RAPH1: variants seen among roughly 807,000 people sequenced by gnomAD.
RAPH1 encodes ras-associated and pleckstrin homology domains-containing protein 1.
A neutral mutation model predicts 88.1 loss-of-function variants in RAPH1; 18 were observed. The observed-to-expected ratio is 0.20, with a 90% CI of 0.14 to 0.30. The LOEUF (loss-of-function observed/expected upper bound fraction) is 0.30, where lower values mean the gene tolerates loss of function less well. Among genes scored for constraint, RAPH1 ranks in the 10% least tolerant of loss-of-function variants. The pLI is 1.00. For missense variants in RAPH1, 1,448 were observed against 1,543.2 expected (o/e 0.94, Z 1.03); for synonymous variants, 587 against 559.0 (o/e 1.05, Z -0.71).
At chr2:203,470,192 T>C in intron 4 of RAPH1, 1 of 1,216,174 alleles carries the variant, frequency 8.2e-7, no homozygotes, top group South Asian at 1.3e-5. Context: ...AATCATATTC[T>C]ACCTACAAGG....
chr2:203,490,411 A>G (rs991924360), intron 3 of RAPH1, among the ~76,000 whole-genome samples: 1 of 152,196 alleles, frequency 6.6e-6, no homozygotes, highest in Non-Finnish European at 1.5e-5. Context: ...TGTTAATATG[A>G]TCAATGCTTT....
intron 1 of RAPH1, among the ~76,000 whole-genome samples, chr2:203,528,350 G>A (rs1171660906): frequency 6.6e-6 from 1 of 152,016 alleles, no homozygotes; most frequent in African/African-American, 2.4e-5. Context: ...TCCAAACACA[G>A]TTTTGGTGGA....
At position 203,512,246 on chromosome 2, in the gene RAPH1, T is replaced by G. The variant is rs138525028; in HGVS notation, c.1-16893A>C. On this transcript the variant is annotated intron_variant, in intron 1 of 13. Transcript: ENST00000319170. The stretch of plus-strand genomic sequence containing the variant: ...AAGTTGGAGCCCAGCCTGGCCAACA[T>G]GACGAAACCCTGTCTCTACTAAAAA... Among the ~76,000 whole-genome samples the G allele has an allele frequency of 3.1e-4, 47 of 150,656 alleles. 1 individual carries two copies. Among genetic ancestry groups the G allele is most frequent in the Middle Eastern group, 3.4e-3 (1 of 290 alleles).
chr2:203,481,003 G>A (rs1191954583), intron 4 of RAPH1, among the ~76,000 whole-genome samples: 1 of 152,142 alleles, frequency 6.6e-6, no homozygotes, highest in African/African-American at 2.4e-5. Context: ...CGAAGAGTGG[G>A]AACCTGCCAG....
At chr2:203,527,898 G>C (rs896618341) in intron 1 of RAPH1, among the ~76,000 whole-genome samples, 2 of 151,890 alleles carry the variant, frequency 1.3e-5, no homozygotes, top group Non-Finnish European at 2.9e-5. Context: ...TGGAGGAGAG[G>C]GTAAGGTTTA....
chr2:203,528,676 C>T (rs1467597277), intron 1 of RAPH1, among the ~76,000 whole-genome samples: 3 of 151,966 alleles, frequency 2.0e-5, no homozygotes, highest in East Asian at 3.9e-4. Context: ...TCAAATATAA[C>T]GTATCATATT....
intron 4 of RAPH1, among the ~76,000 whole-genome samples, chr2:203,475,862 A>G (rs1223445642): frequency 1.3e-5 from 2 of 151,910 alleles, no homozygotes; most frequent in Non-Finnish European, 2.9e-5. Flanking sequence ...GTGGCAGCTA[A>G]GCATTTACAT....
chr2:203,477,293 ATGCAAT>A, intron 4 of RAPH1: 1 of 663,474 alleles, frequency 1.5e-6, no homozygotes, highest in South Asian at 1.8e-5. Context: ...GAAAAGTTGC[ATGCAAT>A]TACCTTTCAT....
intron 4 of RAPH1, among the ~76,000 whole-genome samples, chr2:203,469,667 A>G (rs1205069391): frequency 6.6e-6 from 1 of 152,248 alleles, no homozygotes; most frequent in Non-Finnish European, 1.5e-5. Flanking sequence ...GACAATGGCT[A>G]AAATATTTCA....
In RAPH1 at chr2:203,495,436, A is replaced by AT. The variant is rs1688471192; in HGVS notation, c.1-84dup. The AT allele has an allele frequency of 4.6e-6, 6 of 1,317,000 alleles. No individual in the cohort carries two copies. The South Asian group carries it at 7.2e-5, about 16-fold the overall frequency. The allele number at this position is 1,317,000 out of a possible 1,614,324, so 81.6% of individuals were successfully genotyped here. A position where few individuals can be genotyped will look rare whatever the true frequency, so the allele number is the denominator to read the frequency against. On this transcript the variant is annotated intron_variant, in intron 1 of 13. Transcript: ENST00000319170. ...TTATGCCATATATGCTCTGATATAT[A>AT]TTATATGCCTCTGAAGTCAAATCTT...
rs2098500504 is a variant in RAPH1 at position 203,438,732 on chromosome 2, G to A, written c.*705C>T. ...GCAGTACTGCAGCTAGAACAGCTGA[G>A]TTAATTACGCCATGTATTTACTTTC... On this transcript the variant is annotated 3_prime_UTR_variant, in exon 14 of 14. Coordinates refer to ENST00000319170, the MANE Select transcript of RAPH1 (RefSeq NM_213589.3). 6.5e-6 allele frequency: 1 copy of A among 154,648 alleles called. No individual in the cohort carries two copies. The highest frequency in any genetic ancestry group is 2.0e-4 in the South Asian group (1 of 4,938). 9.6% of individuals were successfully genotyped at this position (154,648 alleles called of 1,614,324 possible).
At chr2:203,473,763 T>C (rs1428664293) in intron 4 of RAPH1, among the ~76,000 whole-genome samples, 1 of 152,230 alleles carries the variant, frequency 6.6e-6, no homozygotes, top group Non-Finnish European at 1.5e-5. Context: ...TACAGCTTCA[T>C]ATAAACAGGG....
At chr2:203,528,996 TATATATATA>T (rs1353799701) in intron 1 of RAPH1, among the ~76,000 whole-genome samples, 17 of 87,814 alleles carry the variant, frequency 1.9e-4, no homozygotes, top group African/African-American at 7.3e-4. Flanking sequence ...TATATATATA[TATATATATA>T]TTTTTTTTTT....
chr2:203,477,193 A>G, intron 4 of RAPH1: 1 of 1,537,108 alleles, frequency 6.5e-7, no homozygotes, highest in Middle Eastern at 1.7e-4. Flanking sequence ...TGATAGGTAA[A>G]GGAGGTGAAA....
chr2:203,474,024 G>T (rs914348010), intron 4 of RAPH1, among the ~76,000 whole-genome samples: 1 of 152,186 alleles, frequency 6.6e-6, no homozygotes, highest in Non-Finnish European at 1.5e-5. Flanking sequence ...ACAAAACAGT[G>T]TGTTAAGTGG....
At chr2:203,505,568 C>A (rs764444131) in intron 1 of RAPH1, among the ~76,000 whole-genome samples, 1 of 152,108 alleles carries the variant, frequency 6.6e-6, no homozygotes, top group East Asian at 1.9e-4. Context: ...CAACGCTCTA[C>A]AAAGAAACCC....
In RAPH1 at chr2:203,441,002, G is replaced by A; in HGVS notation, c.2188C>T (p.Pro730Ser). 4 of 1,492,474 alleles carry A rather than the reference G, an allele frequency of 2.7e-6. No individual in the cohort carries two copies. The South Asian group carries it at 3.6e-5, about 13-fold the overall frequency. The allele number at this position is 1,492,474 out of a possible 1,614,324, so 92.5% of individuals were successfully genotyped here. A position where few individuals can be genotyped will look rare whatever the true frequency, so the allele number is the denominator to read the frequency against. The change falls in exon 14 of 14, where the codon CCT (proline) becomes TCT (serine). Residue 730 changes from proline (P) to serine (S), a missense_variant. Physicochemically the swap from Pro to Ser is moderately conservative, Grantham distance 74 (BLOSUM62 -1). Transcript: ENST00000319170. ...GGAAGGGATGGGGCACACGGTGCAGGCTTTAGCTGGGCCATGGCAGAGCCT... is the reference window on the plus strand; with the variant it reads ...GGAAGGGATGGGGCACACGGTGCAGACTTTAGCTGGGCCATGGCAGAGCCT... ...TPGSAMAQLK[P>S]APCAPSLPQF...
intron 10 of RAPH1, among the ~76,000 whole-genome samples, chr2:203,450,221 C>G (rs2153637294): frequency 6.6e-6 from 1 of 152,074 alleles, no homozygotes; most frequent in East Asian, 1.9e-4. Context: ...ATCAATCACT[C>G]TGGTCTACAA....
chr2:203,514,433 A>G (rs1689503707), intron 1 of RAPH1, among the ~76,000 whole-genome samples: 1 of 152,214 alleles, frequency 6.6e-6, no homozygotes, highest in Admixed American at 6.5e-5. Flanking sequence ...TTATGAGAGA[A>G]TAAAATTCAA....
Sources: allele counts gnomAD v4.1 joint callset (sites outside exome capture counted in the v4.1 genomes callset), GRCh38; gene constraint gnomAD v4.1.1; transcripts MANE v1.5; gene names NCBI Gene and HGNC (gene_info 2026-07-23, HGNC 2026-07-21).